The following TTLL7 variants were observed in gnomAD, a reference collection of about 807,000 sequenced individuals.
The protein encoded by TTLL7 is tubulin tyrosine ligase like 7, also known as tubulin polyglutamylase TTLL7.
TTLL7 carries 53 observed loss-of-function variants against 120.2 expected under a neutral mutation model. That is an observed-to-expected ratio of 0.44 (90% CI 0.35 to 0.55). The LOEUF (loss-of-function observed/expected upper bound fraction) is 0.55. Among genes scored for constraint, TTLL7 ranks in the 20% least tolerant of loss-of-function variants. The pLI, the probability that TTLL7 is intolerant of heterozygous loss-of-function variation, is 0.00. For missense variants in TTLL7, 803 were observed against 1,054.7 expected (o/e 0.76, Z 3.31); for synonymous variants, 353 against 351.7 (o/e 1.00, Z -0.04).
chr1:83,935,827 A>C (rs916448809), intron 8 of TTLL7, among the ~76,000 whole-genome samples: 1 of 152,162 alleles, frequency 6.6e-6, no homozygotes, highest in African/African-American at 2.4e-5. Context: ...TATCCCATTG[A>C]TTCACCTTAA....
intron 6 of TTLL7, among the ~76,000 whole-genome samples, chr1:83,944,793 C>A (rs1648319682): frequency 6.6e-6 from 1 of 152,158 alleles, no homozygotes; most frequent in South Asian, 2.1e-4. Flanking sequence ...AAGACAACTG[C>A]ATAAAACAAT....
chr1:83,982,442 G>A (rs902322140), intron 1 of TTLL7, among the ~76,000 whole-genome samples: 1 of 151,780 alleles, frequency 6.6e-6, no homozygotes, highest in African/African-American at 2.4e-5. Context: ...ACTGAAAACA[G>A]GAAAACAACA....
intron 8 of TTLL7, among the ~76,000 whole-genome samples, chr1:83,936,899 A>G (rs1320338610): frequency 6.6e-6 from 1 of 152,158 alleles, no homozygotes; most frequent in East Asian, 1.9e-4. Context: ...TCAAATTATC[A>G]CAGTTCCCAG....
chr1:83,933,952 T>C (rs571906682), intron 8 of TTLL7, among the ~76,000 whole-genome samples, 186 bp from the exon 9 acceptor site: 2 of 152,302 alleles, frequency 1.3e-5, no homozygotes, highest in Non-Finnish European at 2.9e-5. Flanking sequence ...CACACTTGCT[T>C]TGGGTTCCTC....
intron 8 of TTLL7, 25 bp from the exon 9 acceptor site, chr1:83,933,791 G>A: frequency 1.3e-6 from 2 of 1,589,246 alleles, no homozygotes; most frequent in African/African-American, 1.4e-5. Flanking sequence ...TAAAAGAAGT[G>A]AAAATGCCTT....
Position 83,911,184 on chromosome 1 carries a change from G to A in TTLL7, c.1767C>T (p.Tyr589=). The change falls in exon 15 of 21, where the codon TAC becomes TAT. Residue 589 remains tyrosine (Y), a synonymous_variant. Coordinates refer to ENST00000260505, the MANE Select transcript of TTLL7 (RefSeq NM_024686.6). ...ACTTACTGGGTTGTTGAATTAATTT[G>A]TAGTGGTTGGAGGGTTTAAGATTAT... ...VTYNLKPSNH[Y]KLIQQPSSIR... The A allele has an allele frequency of 6.2e-7, 1 of 1,609,868 alleles. No homozygotes were observed. Among genetic ancestry groups the A allele is most frequent in the South Asian group, 1.1e-5 (1 of 90,904 alleles).
intron 1 of TTLL7, among the ~76,000 whole-genome samples, chr1:83,982,443 G>GA (rs999771812): frequency 1.3e-5 from 2 of 151,814 alleles, no homozygotes; most frequent in African/African-American, 4.8e-5. Flanking sequence ...CTGAAAACAG[G>GA]AAAACAACAG....
intron 19 of TTLL7, among the ~76,000 whole-genome samples, chr1:83,883,863 C>T (rs1654733717): frequency 6.6e-6 from 1 of 151,868 alleles, no homozygotes; most frequent in African/African-American, 2.4e-5. Flanking sequence ...ATAACTATAT[C>T]CATGATATTC....
intron 8 of TTLL7, among the ~76,000 whole-genome samples, chr1:83,935,816 T>C (rs939008692): frequency 6.6e-6 from 1 of 152,180 alleles, no homozygotes; most frequent in African/African-American, 2.4e-5. Context: ...TCTTTTTATA[T>C]TATCCCATTG....
intron 1 of TTLL7, among the ~76,000 whole-genome samples, chr1:83,984,484 C>T (rs1652265236): frequency 2.0e-5 from 3 of 152,192 alleles, no homozygotes; most frequent in African/African-American, 7.2e-5. Context: ...AATATGTTCA[C>T]TGCAGCACTA....
At chr1:83,874,988 T>C (rs1283939799) in intron 20 of TTLL7, among the ~76,000 whole-genome samples, 8 of 152,004 alleles carry the variant, frequency 5.3e-5, no homozygotes, top group African/African-American at 1.9e-4. Context: ...TAATACCATA[T>C]ATTTAAGTAG....
chr1:83,950,387 A>G (rs906149388), intron 3 of TTLL7, among the ~76,000 whole-genome samples: 7 of 152,190 alleles, frequency 4.6e-5, no homozygotes, highest in Non-Finnish European at 8.8e-5. Flanking sequence ...TCCCCTGATC[A>G]TCACACCTAT....
rs1365410056 is a variant in TTLL7 at position 83,973,622 on chromosome 1, T to C, written c.-176-21235A>G. On this transcript the variant is annotated intron_variant, in intron 1 of 20. Coordinates refer to ENST00000260505, the MANE Select transcript of TTLL7 (RefSeq NM_024686.6). ...TCCACAAAACAAATTGCTGAAATTT[T>C]GGGAATGCAATGAATCTATAGATCA... Among the ~76,000 whole-genome samples, 4 of 152,100 alleles carry C rather than the reference T, an allele frequency of 2.6e-5. No individual in the cohort carries two copies. In the East Asian group the frequency reaches 5.8e-4, roughly 22 times the overall value.
Position 83,990,325 on chromosome 1 carries a change from G to A in TTLL7, c.-177+8606C>T, listed in dbSNP as rs564427358. 3.9e-5 allele frequency among the ~76,000 whole-genome samples: 6 copies of A among 152,162 alleles called. No individual in the cohort carries two copies. In the East Asian group the frequency reaches 7.7e-4, roughly 20 times the overall value. On this transcript the variant is annotated intron_variant, in intron 1 of 20. Coordinates refer to ENST00000260505, the MANE Select transcript of TTLL7 (RefSeq NM_024686.6). ...TGAGTAGCTGGGACTACAGGCGCCC[G>A]CCACTGCGCCCGGCTAATTTTTTGT...
At chr1:83,900,331 T>C (rs776258987) in intron 18 of TTLL7, among the ~76,000 whole-genome samples, 3 of 151,992 alleles carry the variant, frequency 2.0e-5, no homozygotes, top group Non-Finnish European at 4.4e-5. Context: ...ACCCATCCTC[T>C]TGGCTTTTTA....
At chr1:83,935,700 G>T (rs764105596) in intron 8 of TTLL7, among the ~76,000 whole-genome samples, 2 of 151,704 alleles carry the variant, frequency 1.3e-5, no homozygotes, top group Non-Finnish European at 2.9e-5. Flanking sequence ...GAAATTGCCC[G>T]GGTTATTAAA....
chr1:83,885,048 A>G (rs891745366), intron 19 of TTLL7: 1 of 279,564 alleles, frequency 3.6e-6, no homozygotes, highest in Non-Finnish European at 5.4e-6. Context: ...AGATTTATAG[A>G]TGTAGATAGA....
chr1:83,986,504 T>C (rs1222058998), intron 1 of TTLL7, among the ~76,000 whole-genome samples: 1 of 152,176 alleles, frequency 6.6e-6, no homozygotes, highest in African/African-American at 2.4e-5. Flanking sequence ...AAAACCTACA[T>C]AATTAGCATT....
At chr1:83,925,456 T>C (rs1659034149) in intron 10 of TTLL7, among the ~76,000 whole-genome samples, 1 of 152,114 alleles carries the variant, frequency 6.6e-6, no homozygotes, top group African/African-American at 2.4e-5. Flanking sequence ...ATTTGCAGAA[T>C]GACAGAATGG....
Sources: gnomAD v4.1 joint callset for allele counts (sites outside exome capture counted in the v4.1 genomes callset) on GRCh38, gnomAD v4.1.1 for gene constraint, MANE v1.5 for transcripts, NCBI Gene and HGNC (gene_info 2026-07-23, HGNC 2026-07-21) for gene names.